NRXN3: variants seen among roughly 807,000 people sequenced by gnomAD.
The protein encoded by NRXN3 is neurexin III.
In NRXN3, 32 loss-of-function variants were observed where a neutral mutation model predicts 137.6. The ratio of observed to expected loss-of-function variants is 0.23; its 90% CI spans 0.18 to 0.31. The LOEUF (loss-of-function observed/expected upper bound fraction) is 0.31. NRXN3 is among the 10% of genes least tolerant of loss of function. The pLI, the probability that NRXN3 is intolerant of heterozygous loss-of-function variation, is 1.00. For synonymous variants in NRXN3, 798 were observed against 784.5 expected, an observed-to-expected ratio of 1.02 and a Z score of -0.29; for missense variants, 1,574 against 2,062.5, an observed-to-expected ratio of 0.76 and a Z score of 4.59.
chr14:78,278,648 T>A lies in NRXN3; in HGVS notation c.713T>A (p.Val238Asp). ...CCCTTTGAAAATGCTGCCACAGATGTCAGTCAAGATCCAGGTGAGTCTTTG... is the reference window on the plus strand; with the variant it reads ...CCCTTTGAAAATGCTGCCACAGATGACAGTCAAGATCCAGGTGAGTCTTTG... ...GYGGKLCSED[V>D]SQDPGLSHLM... Residue 238 changes from valine to aspartate, a missense_variant, in exon 3 of 21, where the codon GTC becomes GAC. This residue lies in a region of NRXN3 where 400 missense variants were observed against 527.3 expected (regional missense o/e 0.76). Transcript: ENST00000335750. 1 of 1,535,140 alleles carries A rather than the reference T, an allele frequency of 6.5e-7. No individual in the cohort carries two copies. Among genetic ancestry groups the A allele is most frequent in the Non-Finnish European group, 8.7e-7 (1 of 1,146,438 alleles).
intron 1 of NRXN3, among the ~76,000 whole-genome samples, chr14:78,184,881 AC>A (rs1204363171): frequency 6.6e-6 from 1 of 152,136 alleles, no homozygotes; most frequent in Non-Finnish European, 1.5e-5. Context: ...GGATGGAGGA[AC>A]CCTGCTGGTG....
At chr14:78,762,240 A>G (rs576147862) in intron 8 of NRXN3, among the ~76,000 whole-genome samples, 76 of 152,262 alleles carry the variant, frequency 5.0e-4, no homozygotes, top group African/African-American at 1.7e-3. Flanking sequence ...CTTTTTTAGC[A>G]CATAACATAC....
At chr14:79,123,217 G>A (rs376125415) in intron 15 of NRXN3, among the ~76,000 whole-genome samples, 175 of 151,784 alleles carry the variant, frequency 1.2e-3, no homozygotes, top group Non-Finnish European at 1.9e-3. Flanking sequence ...CTGTGTGTGC[G>A]TGTGTGTGTG....
intron 8 of NRXN3, among the ~76,000 whole-genome samples, chr14:78,750,810 G>T (rs2098637618): frequency 6.6e-6 from 1 of 152,072 alleles, no homozygotes; most frequent in African/African-American, 2.4e-5. Flanking sequence ...GGCTTCCTAG[G>T]CTCTCTGAGG....
In NRXN3 at chr14:78,664,025, A is replaced by T. The variant is rs1409876832; in HGVS notation, c.1221+12699A>T. 2.0e-5 allele frequency among the ~76,000 whole-genome samples: 3 copies of T among 152,186 alleles called. No homozygotes were observed. In the East Asian group the frequency reaches 5.8e-4, roughly 29 times the overall value. On this transcript the variant is annotated intron_variant, in intron 6 of 20. Coordinates refer to ENST00000335750, the MANE Select transcript of NRXN3 (RefSeq NM_001330195.2). ...TTCCTCATGTGGAGAGTGTGCCACA[A>T]ATAGTTCCTGCATAGATTTCAAGAG... is the stretch of plus-strand genomic sequence containing the variant.
chr14:79,781,847 A>G (rs946812458), intron 19 of NRXN3, among the ~76,000 whole-genome samples: 1 of 152,170 alleles, frequency 6.6e-6, no homozygotes, highest in African/African-American at 2.4e-5. Flanking sequence ...ATCAAAATCT[A>G]TTTACTTGTC....
At chr14:78,468,809 A>T (rs17107684) in intron 4 of NRXN3, among the ~76,000 whole-genome samples, 1 of 152,148 alleles carries the variant, frequency 6.6e-6, no homozygotes, top group African/African-American at 2.4e-5. Context: ...TCTTGGTGAG[A>T]GGGATCCTGC....
Position 78,966,202 on chromosome 14 carries a change from A to G in NRXN3, c.2573A>G (p.Glu858Gly). The G allele has an allele frequency of 1.2e-6, 2 of 1,613,958 alleles. No homozygotes were observed. The highest frequency in any genetic ancestry group is 1.7e-6 in the Non-Finnish European group (2 of 1,179,988). ...AAAAATGGTGACATTGATTATTGTG[A>G]GCTGAAGGCTCGTTTTGGACTGAGG... ...LCKNGDIDYCELKARFGLRNI... is the reference protein window; with the variant it reads ...LCKNGDIDYCGLKARFGLRNI... The change falls in exon 12 of 21, where the codon GAG (glutamate) becomes GGG (glycine). Residue 858 changes from glutamate (E) to glycine (G), a missense_variant. Around this residue, in one of 5 missense-constraint regions of NRXN3, gnomAD observed 718 missense variants for 887.6 expected, o/e 0.81. Transcript: ENST00000335750.
chr14:79,077,309 G>A (rs1267313828), intron 15 of NRXN3, among the ~76,000 whole-genome samples: 2 of 152,038 alleles, frequency 1.3e-5, no homozygotes, highest in East Asian at 1.9e-4. Flanking sequence ...TAGAGCACAC[G>A]GTGTGTTTAG....
chr14:79,467,054 T>A (rs900083304), intron 15 of NRXN3, among the ~76,000 whole-genome samples, 167 bp from the exon 16 acceptor site: 1 of 152,238 alleles, frequency 6.6e-6, no homozygotes, highest in African/African-American at 2.4e-5. Flanking sequence ...TTTGGGGTGA[T>A]AGCTGCCTTC....
At chr14:78,354,802 G>A (rs918888883) in intron 4 of NRXN3, among the ~76,000 whole-genome samples, 1 of 152,180 alleles carries the variant, frequency 6.6e-6, no homozygotes, top group South Asian at 2.1e-4. Flanking sequence ...CTCTCTGAAG[G>A]AACAAGGACT....
At chr14:78,181,020 C>A (rs2059760293) in intron 1 of NRXN3, among the ~76,000 whole-genome samples, 1 of 152,198 alleles carries the variant, frequency 6.6e-6, no homozygotes, top group Non-Finnish European at 1.5e-5. Flanking sequence ...TCCAGGTGAT[C>A]CCACCAGGCT....
intron 1 of NRXN3, among the ~76,000 whole-genome samples, chr14:78,177,510 A>G (rs2059388612): frequency 6.6e-6 from 1 of 152,152 alleles, no homozygotes; most frequent in African/African-American, 2.4e-5. Context: ...GTGTAGCCAG[A>G]CGCCCTGGTG....
intron 4 of NRXN3, among the ~76,000 whole-genome samples, chr14:78,609,472 T>A (rs762031423): frequency 9.2e-5 from 14 of 152,174 alleles, no homozygotes; most frequent in Non-Finnish European, 7.3e-5. Context: ...GAATAGGATA[T>A]CATGAAAGTA....
At chr14:78,602,132 C>T (rs901300376) in intron 4 of NRXN3, among the ~76,000 whole-genome samples, 5 of 152,184 alleles carry the variant, frequency 3.3e-5, no homozygotes, top group African/African-American at 1.2e-4. Context: ...CTTCTATCAT[C>T]CTCCTTTCAA....
intron 4 of NRXN3, among the ~76,000 whole-genome samples, chr14:78,634,616 A>G (rs1391834840): frequency 1.3e-5 from 2 of 152,198 alleles, no homozygotes; most frequent in East Asian, 3.8e-4. Context: ...CATCACTCAG[A>G]TTGAACAAAT....
chr14:79,070,931 G>A (rs945536372), intron 15 of NRXN3, among the ~76,000 whole-genome samples: 5 of 152,140 alleles, frequency 3.3e-5, no homozygotes, highest in Non-Finnish European at 1.5e-5. Flanking sequence ...AGTTTGGGTC[G>A]CAGTTTAACG....
chr14:79,002,900 ATAATT>A (rs1229130031), intron 15 of NRXN3, among the ~76,000 whole-genome samples: 1 of 152,168 alleles, frequency 6.6e-6, no homozygotes, highest in African/African-American at 2.4e-5. Context: ...ATAAGTCCGT[ATAATT>A]TAATTAGAAA....
intron 15 of NRXN3, among the ~76,000 whole-genome samples, chr14:79,330,053 A>G (rs924511043): frequency 1.3e-5 from 2 of 151,922 alleles, no homozygotes; most frequent in African/African-American, 4.8e-5. Flanking sequence ...GATGATCTTG[A>G]TCTCTTGACC....
Sources: gnomAD v4.1 joint callset for allele counts (sites outside exome capture counted in the v4.1 genomes callset) on GRCh38, gnomAD v4.1.1 for gene constraint, gnomAD v4.1.1 regional missense constraint, MANE v1.5 for transcripts, NCBI Gene and HGNC (gene_info 2026-07-23, HGNC 2026-07-21) for gene names.